The following IFNGR2 variants were observed in gnomAD, a reference collection of about 807,000 sequenced individuals.
IFNGR2 encodes interferon gamma receptor 2.
Under a neutral mutation model 41.1 loss-of-function variants are expected in IFNGR2, and 15 were observed. The ratio of observed to expected loss-of-function variants is 0.37; its 90% CI spans 0.24 to 0.56. The LOEUF is 0.56. Ranked by LOEUF, IFNGR2 falls within the 20% of genes least tolerant of loss-of-function variation. The pLI, the probability that IFNGR2 is intolerant of heterozygous loss-of-function variation, is 0.81. For synonymous variants in IFNGR2, 161 were observed against 171.6 expected, an observed-to-expected ratio of 0.94 and a Z score of 0.48; for missense variants, 362 against 415.7, an observed-to-expected ratio of 0.87 and a Z score of 1.12.
At chr21:33,410,792 G>A (rs931123771) in intron 1 of IFNGR2, 30 of 1,311,024 alleles carry the variant, frequency 2.3e-5, no homozygotes, top group African/African-American at 2.9e-5. Flanking sequence ...TTTACATGTT[G>A]TATTTTTAAA....
chr21:33,420,754 T>C lies in IFNGR2; in HGVS notation c.207-726T>C, dbSNP rs60789894. ...AACAATTAGAAGACAAATAACCCAA[T>C]TAAAAACCACAGCTGGGCACAAGGG... On this transcript the variant is annotated intron_variant, in intron 2 of 6. Transcript: ENST00000290219. Among the ~76,000 whole-genome samples, 262 of 152,164 alleles carry C rather than the reference T, an allele frequency of 1.7e-3. 2 individuals carry two copies. The highest frequency in any genetic ancestry group is 6.1e-3 in the African/African-American group (252 of 41,504).
chr21:33,417,596 G>A (rs2083762745), intron 2 of IFNGR2, among the ~76,000 whole-genome samples: 1 of 152,158 alleles, frequency 6.6e-6, no homozygotes, highest in East Asian at 1.9e-4. Context: ...ATGAAAATGT[G>A]AGACCCTTTA....
chr21:33,433,746 T>C (rs1880839599), intron 6 of IFNGR2, among the ~76,000 whole-genome samples: 1 of 152,066 alleles, frequency 6.6e-6, no homozygotes, highest in East Asian at 1.9e-4. Context: ...TAAAAAGAGT[T>C]ATGATGGTAC....
intron 1 of IFNGR2, among the ~76,000 whole-genome samples, chr21:33,413,379 GC>G (rs2083730343): frequency 6.6e-6 from 1 of 152,132 alleles, no homozygotes; most frequent in South Asian, 2.1e-4. Context: ...GAGGGGAGGG[GC>G]ATCCTATAAC....
At position 33,403,574 on chromosome 21, in the gene IFNGR2, C is replaced by T; in HGVS notation, c.31C>T (p.Leu11=). Residue 11 remains leucine (L), a synonymous_variant, in exon 1 of 7, where the codon CTG becomes TTG. Coordinates refer to ENST00000290219, the MANE Select transcript of IFNGR2 (RefSeq NM_005534.4). The part of the protein sequence containing the change: MRPTLLWSLL[L]LLGVFAAAAA... ...ACCGACGCTGCTGTGGTCGCTGCTGCTGCTGCTCGGAGTCTTCGCCGCCGC... is the reference window on the plus strand; with the variant it reads ...ACCGACGCTGCTGTGGTCGCTGCTGTTGCTGCTCGGAGTCTTCGCCGCCGC... The T allele has an allele frequency of 1.5e-6, 2 of 1,373,098 alleles. No homozygotes were observed. Among genetic ancestry groups the T allele is most frequent in the East Asian group, 3.2e-5 (1 of 30,776 alleles). The allele number at this position is 1,373,098 out of a possible 1,614,324, so 85.1% of individuals were successfully genotyped here.
chr21:33,433,784 A>G (rs17882822), intron 6 of IFNGR2, among the ~76,000 whole-genome samples: 88,589 of 151,472 alleles, frequency 0.58, 27,933 homozygotes, highest in East Asian at 0.82. Context: ...TTTTACCACA[A>G]TTTAATTTTT....
At chr21:33,415,535 G>T (rs1412992483) in intron 2 of IFNGR2, among the ~76,000 whole-genome samples, 1 of 152,162 alleles carries the variant, frequency 6.6e-6, no homozygotes, top group Non-Finnish European at 1.5e-5. Flanking sequence ...GCCATCACTT[G>T]ATTTGCAATA....
At chr21:33,432,585 G>A (rs933681029) in intron 5 of IFNGR2, 129 bp from the exon 6 acceptor site, 3 of 1,024,016 alleles carry the variant, frequency 2.9e-6, no homozygotes, top group Admixed American at 1.7e-5. Flanking sequence ...AGGTGAGGGT[G>A]GGGGGTAGAG....
intron 2 of IFNGR2, among the ~76,000 whole-genome samples, chr21:33,418,819 G>GA (rs1234611246): frequency 1.3e-5 from 2 of 151,396 alleles, no homozygotes; most frequent in African/African-American, 4.8e-5. Flanking sequence ...TAAATAACAG[G>GA]AAAAAAAACC....
At chr21:33,433,173 A>G (rs1051596304) in intron 6 of IFNGR2, among the ~76,000 whole-genome samples, 4 of 152,268 alleles carry the variant, frequency 2.6e-5, no homozygotes, top group Admixed American at 2.6e-4. Flanking sequence ...GGCGGGAGCC[A>G]CTGCGCCCGG....
At chr21:33,432,104 G>A in intron 4 of IFNGR2, 73 bp from the exon 5 acceptor site, 2 of 1,361,848 alleles carry the variant, frequency 1.5e-6, no homozygotes, top group Admixed American at 1.7e-5. Flanking sequence ...GTGAATTTGA[G>A]GAAACATCAG....
At chr21:33,433,936 G>A (rs547494324) in intron 6 of IFNGR2, among the ~76,000 whole-genome samples, 107 of 152,164 alleles carry the variant, frequency 7.0e-4, no homozygotes, top group African/African-American at 2.4e-3. Context: ...ACGTGAAGGC[G>A]GTGGAGACAG....
At chr21:33,414,863 C>A (rs1436366128) in intron 1 of IFNGR2, 25 bp from the exon 2 acceptor site, 1 of 1,602,954 alleles carries the variant, frequency 6.2e-7, no homozygotes, top group Admixed American at 1.7e-5. Context: ...CTTCCTCCCT[C>A]TTCTTTTTCT....
rs149438229 is a variant in IFNGR2, at chr21:33,428,261, G to A, written c.561+1229G>A. Among the ~76,000 whole-genome samples the A allele has an allele frequency of 2.4e-3, 344 of 145,388 alleles. 1 individual carries two copies. The highest frequency in any genetic ancestry group is 0.017 in the Middle Eastern group (5 of 286). ...CTTTTTTTGAGACAGTCTCACTGTCGCCCAGGCTAGAGTACTGTGGTACCA... is the reference window on the plus strand; with the variant it reads ...CTTTTTTTGAGACAGTCTCACTGTCACCCAGGCTAGAGTACTGTGGTACCA... On this transcript the variant is annotated intron_variant, in intron 4 of 6. Transcript: ENST00000290219.
intron 1 of IFNGR2, among the ~76,000 whole-genome samples, chr21:33,409,978 G>A (rs2083704543): frequency 6.6e-6 from 1 of 151,984 alleles, no homozygotes; most frequent in African/African-American, 2.4e-5. Flanking sequence ...CATTAGTCCA[G>A]TTCAATAAGC....
At chr21:33,420,964 A>G (rs1784131834) in intron 2 of IFNGR2, among the ~76,000 whole-genome samples, 2 of 152,198 alleles carry the variant, frequency 1.3e-5, no homozygotes, top group Admixed American at 6.5e-5. Flanking sequence ...TGGGAGGCCG[A>G]GGTGGGCGGA....
intron 3 of IFNGR2, 33 bp downstream of exon 3, chr21:33,421,718 A>C: frequency 6.5e-7 from 1 of 1,548,222 alleles, no homozygotes; most frequent in South Asian, 1.1e-5. Context: ...CTTCCTTTAT[A>C]CTTTCCAGGT....
At position 33,434,669 on chromosome 21, in the gene IFNGR2, A is replaced by G. The variant is rs1368737438; in HGVS notation, c.879+1798A>G. ...AGATAAGGTCCAAGTCTGCAGAAAC[A>G]TAGCAGCACTTTCAGAAAGAACCCT... is the stretch of plus-strand genomic sequence containing the variant. On this transcript the variant is annotated intron_variant, in intron 6 of 6. Transcript: ENST00000290219. Among the ~76,000 whole-genome samples the G allele has an allele frequency of 2.0e-5, 3 of 152,204 alleles. No individual in the cohort carries two copies. In the East Asian group the frequency reaches 5.8e-4, roughly 29 times the overall value.
In IFNGR2 at chr21:33,436,862, C is replaced by G. The variant is rs893539360; in HGVS notation, c.914C>G (p.Ala305Gly). ...LKDPTQPILE[A>G]LDKDSSPKDD... is the part of the protein sequence containing the mutation. ...GACCCAACTCAGCCCATCTTAGAGG[C>G]CTTGGACAAGGACAGCTCACCAAAG... Residue 305 changes from alanine to glycine, a missense_variant, in exon 7 of 7, where the codon GCC becomes GGC. Physicochemically the swap from Ala to Gly is moderately conservative, Grantham distance 60 (BLOSUM62 0). Transcript: ENST00000290219. 2 of 1,613,922 alleles carry G rather than the reference C, an allele frequency of 1.2e-6. No individual in the cohort carries two copies. The highest frequency in any genetic ancestry group is 1.3e-5 in the African/African-American group (1 of 74,926).
Sources: allele counts gnomAD v4.1 joint callset (sites outside exome capture counted in the v4.1 genomes callset), GRCh38; gene constraint gnomAD v4.1.1; transcripts MANE v1.5; gene names NCBI Gene and HGNC (gene_info 2026-07-23, HGNC 2026-07-21).